Variants in FHIT observed in about 807,000 individuals in gnomAD.
The protein encoded by FHIT is bis(5'-adenosyl)-triphosphatase.
Under a neutral mutation model 17.9 loss-of-function variants are expected in FHIT, and 19 were observed. That is an observed-to-expected ratio of 1.06 (90% confidence interval 0.74 to 1.56). FHIT has a LOEUF of 1.56. FHIT is among the 40% of genes most tolerant of loss of function. The pLI is 0.00. For missense variants in FHIT, 248 were observed against 189.2 expected (o/e 1.31, Z -1.82); for synonymous variants, 81 against 69.7 (o/e 1.16, Z -0.81).
At chr3:60,931,005 A>C (rs1266008621) in intron 3 of FHIT, among the ~76,000 whole-genome samples, 3 of 152,244 alleles carry the variant, frequency 2.0e-5, no homozygotes, top group Non-Finnish European at 4.4e-5. Context: ...AAAATGTGGC[A>C]CATATACACC....
chr3:60,247,842 G>A (rs769749116), intron 5 of FHIT, among the ~76,000 whole-genome samples: 1 of 152,126 alleles, frequency 6.6e-6, no homozygotes, highest in Non-Finnish European at 1.5e-5. Flanking sequence ...AATGCAGTTA[G>A]GAGCTCAGTG....
intron 5 of FHIT, among the ~76,000 whole-genome samples, chr3:60,462,568 A>T (rs971472498): frequency 2.0e-5 from 3 of 152,188 alleles, no homozygotes; most frequent in African/African-American, 7.2e-5. Context: ...AGCGGAAAGC[A>T]GGGTAGTGAA....
chr3:60,207,113 C>G (rs1703231672), intron 5 of FHIT, among the ~76,000 whole-genome samples: 1 of 151,908 alleles, frequency 6.6e-6, no homozygotes, highest in Admixed American at 6.6e-5. Context: ...TGTACTTCCT[C>G]ATCCAGCAAA....
At chr3:60,942,358 T>C (rs1490228148) in intron 3 of FHIT, among the ~76,000 whole-genome samples, 1 of 152,244 alleles carries the variant, frequency 6.6e-6, no homozygotes, top group Non-Finnish European at 1.5e-5. Flanking sequence ...CTGGTCATTA[T>C]GTTTCTCAAT....
chr3:60,689,401 T>C (rs1167940108), intron 4 of FHIT, among the ~76,000 whole-genome samples: 1 of 152,206 alleles, frequency 6.6e-6, no homozygotes, highest in Non-Finnish European at 1.5e-5. Flanking sequence ...CAACTATTTA[T>C]ATAGCATTTA....
chr3:60,390,326 T>C (rs1314705747), intron 5 of FHIT, among the ~76,000 whole-genome samples: 2 of 147,768 alleles, frequency 1.4e-5, no homozygotes, highest in South Asian at 2.1e-4. Context: ...ACAATAGTCA[T>C]GTACTGTATA....
intron 5 of FHIT, among the ~76,000 whole-genome samples, chr3:60,318,282 G>A (rs899748211): frequency 2.0e-5 from 3 of 152,046 alleles, no homozygotes; most frequent in African/African-American, 4.8e-5. Flanking sequence ...TCAAAAGAAA[G>A]AACTAACAAA....
chr3:60,263,826 G>C (rs1451623977), intron 5 of FHIT, among the ~76,000 whole-genome samples: 2 of 151,566 alleles, frequency 1.3e-5, no homozygotes, highest in African/African-American at 4.8e-5. Flanking sequence ...TAGCTTAAAT[G>C]CATCTTTCAA....
chr3:60,486,943 G>A (rs2033869066), intron 5 of FHIT, among the ~76,000 whole-genome samples: 1 of 152,162 alleles, frequency 6.6e-6, no homozygotes, highest in Admixed American at 6.6e-5. Flanking sequence ...AACTTTGGGA[G>A]TGACTGTTTA....
At chr3:61,065,692 C>T (rs972074765) in intron 2 of FHIT, among the ~76,000 whole-genome samples, 12 of 151,564 alleles carry the variant, frequency 7.9e-5, no homozygotes, top group Non-Finnish European at 1.3e-4. Flanking sequence ...CCATTAGTTG[C>T]TGTACTAGTC....
chr3:59,891,088 C>T (rs957231182), intron 8 of FHIT, among the ~76,000 whole-genome samples: 1 of 152,148 alleles, frequency 6.6e-6, no homozygotes, highest in Non-Finnish European at 1.5e-5. Flanking sequence ...GGTAGGTTCC[C>T]AAATTGGTGG....
intron 4 of FHIT, among the ~76,000 whole-genome samples, chr3:60,784,327 T>C (rs1700491690): frequency 6.7e-6 from 1 of 148,278 alleles, no homozygotes; most frequent in South Asian, 2.1e-4. Context: ...CAGATCTTTT[T>C]CCTTCCAGGT....
At chr3:59,964,270 A>G (rs928288817) in intron 7 of FHIT, among the ~76,000 whole-genome samples, 2 of 152,164 alleles carry the variant, frequency 1.3e-5, no homozygotes, top group African/African-American at 4.8e-5. Flanking sequence ...AAAAAGGAAC[A>G]TTTGAAATTA....
chr3:61,059,863 G>T (rs2034363649), intron 2 of FHIT, among the ~76,000 whole-genome samples: 1 of 152,164 alleles, frequency 6.6e-6, no homozygotes, highest in Non-Finnish European at 1.5e-5. Flanking sequence ...TGTCTATGTA[G>T]GGTCTGAACA....
intron 7 of FHIT, among the ~76,000 whole-genome samples, chr3:59,996,325 T>A (rs1288248950): frequency 6.6e-6 from 1 of 152,058 alleles, no homozygotes; most frequent in Non-Finnish European, 1.5e-5. Context: ...AGAATGTGGC[T>A]TTGTGACTTG....
At chr3:59,781,622 T>G (rs952830029) in intron 8 of FHIT, among the ~76,000 whole-genome samples, 1 of 152,220 alleles carries the variant, frequency 6.6e-6, no homozygotes, top group Non-Finnish European at 1.5e-5. Context: ...TTCCCAGTGG[T>G]CCCAGAGATG....
intron 5 of FHIT, among the ~76,000 whole-genome samples, chr3:60,338,701 T>C (rs377659388): frequency 3.6e-4 from 55 of 152,158 alleles, no homozygotes; most frequent in African/African-American, 1.2e-3. Context: ...GTATGACATA[T>C]CTGAACAGCA....
At chr3:60,277,345 C>G (rs1285512644) in intron 5 of FHIT, among the ~76,000 whole-genome samples, 3 of 152,108 alleles carry the variant, frequency 2.0e-5, no homozygotes, top group African/African-American at 7.2e-5. Context: ...AAATCATTTT[C>G]TTTTCTAACA....
At chr3:60,009,393 T>C (rs190209542) in intron 7 of FHIT, among the ~76,000 whole-genome samples, 4 of 152,258 alleles carry the variant, frequency 2.6e-5, no homozygotes, top group African/African-American at 9.6e-5. Context: ...AAGTTCAACT[T>C]AAGCTAAATA....
Sources: gnomAD v4.1 joint callset for allele counts (sites outside exome capture counted in the v4.1 genomes callset) on GRCh38, gnomAD v4.1.1 for gene constraint, MANE v1.5 for transcripts, NCBI Gene and HGNC (gene_info 2026-07-23, HGNC 2026-07-21) for gene names.